GPM6B: variants seen among roughly 807,000 people sequenced by gnomAD.
The protein encoded by GPM6B is neuronal membrane glycoprotein M6-b.
Under a neutral mutation model 27.2 loss-of-function variants are expected in GPM6B, and 4 were observed. The observed-to-expected ratio is 0.15, with a 90% confidence interval of 0.07 to 0.34. GPM6B has a LOEUF of 0.34. Among genes scored for constraint, GPM6B ranks in the 10% least tolerant of loss-of-function variants. GPM6B has a pLI of 1.00. For synonymous variants in GPM6B, 124 were observed against 103.1 expected (o/e 1.20, Z -1.23); for missense variants, 183 against 261.9 (o/e 0.70, Z 2.08).
In GPM6B at chrX:13,772,612, A is replaced by G; in HGVS notation, c.*269T>C. The G allele has an allele frequency of 3.4e-6, 1 of 294,304 alleles. No homozygotes were observed. Among genetic ancestry groups the G allele is most frequent in the Non-Finnish European group, 6.1e-6 (1 of 164,968 alleles). 24.3% of individuals were successfully genotyped at this position (294,304 alleles called of 1,213,427 possible). A position where few individuals can be genotyped will look rare whatever the true frequency, so the allele number is the denominator to read the frequency against. On this transcript the variant is annotated 3_prime_UTR_variant, in exon 8 of 8. Transcript: ENST00000316715. ...AATTGCCCTAGCAATAAATGTGAAC[A>G]TGCCACAAATTCCCAAAGTATGAAC...
At chrX:13,814,287 C>G (rs953203983) in intron 1 of GPM6B, among the ~76,000 whole-genome samples, 5 of 111,841 alleles carry the variant, frequency 4.5e-5, no homozygotes, top group Admixed American at 3.8e-4. Flanking sequence ...GGCAATAATG[C>G]CCCAAATTAA....
intron 1 of GPM6B, among the ~76,000 whole-genome samples, chrX:13,833,887 C>T (rs1261626064): frequency 7.1e-5 from 8 of 112,548 alleles, no homozygotes; most frequent in African/African-American, 2.6e-4. Flanking sequence ...TAGTGCTCTG[C>T]CATTGGGCTT....
chrX:13,926,810 A>G (rs1281473531), intron 1 of GPM6B, among the ~76,000 whole-genome samples: 2 of 112,552 alleles, frequency 1.8e-5, no homozygotes, highest in African/African-American at 6.5e-5. Context: ...TTTCTTTTAG[A>G]AAATACTGAG....
At chrX:13,900,639 T>G (rs778039350) in intron 1 of GPM6B, among the ~76,000 whole-genome samples, 4 of 112,239 alleles carry the variant, frequency 3.6e-5, no homozygotes, top group African/African-American at 1.3e-4. Context: ...AGATTCTGAT[T>G]ATGCACACAT....
At chrX:13,878,125 C>T (rs1461700673) in intron 1 of GPM6B, among the ~76,000 whole-genome samples, 1 of 101,157 alleles carries the variant, frequency 9.9e-6, no homozygotes, top group East Asian at 3.2e-4. Context: ...AGGTAGAGAA[C>T]AACAAATGGA....
chrX:13,819,983 C>T (rs1310156400), upstream of GPM6B, among the ~76,000 whole-genome samples: 1 of 111,518 alleles, frequency 9.0e-6, no homozygotes, highest in East Asian at 2.8e-4. Flanking sequence ...AGGGTACTGT[C>T]AAAGGGTCAG....
intron 1 of GPM6B, among the ~76,000 whole-genome samples, chrX:13,870,906 C>CAA (rs67125855): frequency 8.7e-4 from 92 of 105,533 alleles, no homozygotes; most frequent in East Asian, 1.5e-3. Context: ...CCTGTCTCTA[C>CAA]AAAAAAAAAT....
chrX:13,887,087 G>A (rs1022638054), intron 1 of GPM6B, among the ~76,000 whole-genome samples: 1 of 112,245 alleles, frequency 8.9e-6, no homozygotes, highest in African/African-American at 3.2e-5. Context: ...CCAAAGTGCT[G>A]GGATTACAGG....
At chrX:13,908,893 G>A (rs1229109904) in intron 1 of GPM6B, among the ~76,000 whole-genome samples, 1 of 112,029 alleles carries the variant, frequency 8.9e-6, no homozygotes, top group Non-Finnish European at 1.9e-5. Flanking sequence ...CAGATTTACT[G>A]AACACAAAGC....
chrX:13,825,943 GA>G (rs1383288774), intron 1 of GPM6B, among the ~76,000 whole-genome samples: 1 of 111,752 alleles, frequency 8.9e-6, no homozygotes, highest in Non-Finnish European at 1.9e-5. Flanking sequence ...TTCTCCTTCT[GA>G]AATGGAAGTG....
intron 3 of GPM6B, among the ~76,000 whole-genome samples, chrX:13,785,339 A>G (rs970808800): frequency 9.0e-6 from 1 of 111,454 alleles, no homozygotes; most frequent in Non-Finnish European, 1.9e-5. Context: ...CAGTGTTGCC[A>G]TCTCGGCTCA....
chrX:13,869,858 G>A (rs1293835859), intron 1 of GPM6B, among the ~76,000 whole-genome samples: 1 of 111,867 alleles, frequency 8.9e-6, no homozygotes, highest in Non-Finnish European at 1.9e-5. Context: ...CTAAAGCACA[G>A]AACTTATTTG....
At chrX:13,774,718 CAT>C in intron 7 of GPM6B, 2 of 644,279 alleles carry the variant, frequency 3.1e-6, no homozygotes, top group Non-Finnish European at 5.1e-6. Flanking sequence ...GGTGCCTGCT[CAT>C]AGTCTAAGGT....
chrX:13,836,713 C>G (rs1221077817), intron 1 of GPM6B, among the ~76,000 whole-genome samples: 1 of 112,663 alleles, frequency 8.9e-6, no homozygotes, highest in African/African-American at 3.2e-5. Context: ...TAGCTTCAAA[C>G]GATTCACTTT....
chrX:13,778,497 A>C (rs967255321), intron 5 of GPM6B, among the ~76,000 whole-genome samples: 2 of 111,884 alleles, frequency 1.8e-5, no homozygotes, highest in African/African-American at 6.5e-5. Context: ...CCTTTAATGC[A>C]TAAGTTTGTG....
rs984048479 is a variant in GPM6B, at chrX:13,771,890, TAGG to T, written c.*988_*990del. 8.9e-6 allele frequency: 1 copy of T among 112,147 alleles called. No homozygotes were observed. Among genetic ancestry groups the T allele is most frequent in the Non-Finnish European group, 1.9e-5 (1 of 53,122 alleles). The allele number at this position is 112,147 out of a possible 1,213,427, so 9.2% of individuals were successfully genotyped here. ...ACTTAAGTATTCAAGTCTATAAAAG[TAGG>T]AGGTTAGAGGTCTGTGGTCAATTTG... On this transcript the variant is annotated 3_prime_UTR_variant, in exon 8 of 8. Transcript: ENST00000316715.
In GPM6B at chrX:13,812,046, TTC is replaced by T. The variant is rs1491052220; in HGVS notation, c.62-4279_62-4278del. ...TCAAAGGAGAACACTTTTCTTTTCT[TTC>T]TTTTTTTTTTTTTTTTTTTGAGACA... is the stretch of plus-strand genomic sequence containing the variant. On this transcript the variant is annotated intron_variant, in intron 1 of 7. Transcript: ENST00000316715. 7.9e-4 allele frequency among the ~76,000 whole-genome samples: 70 copies of T among 88,651 alleles called. 5 individuals are homozygous for T. Among genetic ancestry groups the T allele is most frequent in the African/African-American group, 2.8e-3 (61 of 21,462 alleles). The allele number at this position is 88,651 out of a possible 115,157, so 77.0% of individuals were successfully genotyped here.
At chrX:13,823,523 T>C (rs957726083) in intron 1 of GPM6B, among the ~76,000 whole-genome samples, 1 of 41,260 alleles carries the variant, frequency 2.4e-5, no homozygotes, top group Non-Finnish European at 6.1e-5. Flanking sequence ...GAACCTGGTT[T>C]TTTTTTTTTT....
At chrX:13,854,604 C>A (rs946063480) in intron 1 of GPM6B, among the ~76,000 whole-genome samples, 2 of 111,971 alleles carry the variant, frequency 1.8e-5, no homozygotes, top group Admixed American at 9.5e-5. Context: ...GTGTTCTATA[C>A]CACTCTGGGA....
Sources: gnomAD v4.1 joint callset for allele counts (sites outside exome capture counted in the v4.1 genomes callset) on GRCh38, gnomAD v4.1.1 for gene constraint, MANE v1.5 for transcripts, NCBI Gene and HGNC (gene_info 2026-07-23, HGNC 2026-07-21) for gene names.